Variants in TAPBP observed in about 807,000 individuals in gnomAD.
The protein encoded by TAPBP is TAP binding protein, also known as tapasin.
Under a neutral mutation model 45.7 loss-of-function variants are expected in TAPBP, and 38 were observed. The observed-to-expected ratio is 0.83, with a 90% CI of 0.64 to 1.09. The LOEUF is 1.09. Ranked by LOEUF, TAPBP falls within the 50% of genes least tolerant of loss-of-function variation. The pLI is 0.00. For missense variants in TAPBP, 513 were observed against 587.3 expected, an observed-to-expected ratio of 0.87 and a Z score of 1.31; for synonymous variants, 226 against 254.8, an observed-to-expected ratio of 0.89 and a Z score of 1.08.
intron 7 of TAPBP, chr6:33,303,615 ATAAGGTATATTAT>A: frequency 1.1e-6 from 1 of 918,986 alleles, no homozygotes; most frequent in South Asian, 1.9e-5. Context: ...ATTAGATTAA[ATAAGGTATATTAT>A]TAAGTTAATT....
At position 33,313,581 on chromosome 6, in the gene TAPBP, G is replaced by GACTC; in HGVS notation, c.209-108_209-105dup. On this transcript the variant is annotated intron_variant, in intron 2 of 7. Transcript: ENST00000434618. This position sits in a 1 kb window ranked among gnomAD's most constrained non-coding sequence, Gnocchi z 7.2. ...AAATGCACAGACTACCCCGTAGTGA[G>GACTC]ACTCACTTTACAAAGGGGAAGCTGA... 2.6e-6 allele frequency: 4 copies of GACTC among 1,525,634 alleles called. No homozygotes were observed. The highest frequency in any genetic ancestry group is 3.5e-6 in the Non-Finnish European group (4 of 1,133,750). The allele number at this position is 1,525,634 out of a possible 1,614,324, so 94.5% of individuals were successfully genotyped here.
chr6:33,306,060 G>A (rs2150963231), intron 3 of TAPBP, among the ~76,000 whole-genome samples: 1 of 152,266 alleles, frequency 6.6e-6, no homozygotes, highest in Admixed American at 6.5e-5. Flanking sequence ...ACTTCATGAG[G>A]TTGTTGTGAT....
Sources: gnomAD v4.1 joint callset for allele counts (sites outside exome capture counted in the v4.1 genomes callset) on GRCh38, gnomAD v4.1.1 for gene constraint, Gnocchi (gnomAD v3.1) non-coding constraint, MANE v1.5 for transcripts, NCBI Gene and HGNC (gene_info 2026-07-23, HGNC 2026-07-21) for gene names.